The following DCP2 variants were observed in gnomAD, a reference collection of about 807,000 sequenced individuals.
DCP2 encodes m7GpppN-mRNA hydrolase.
Under a neutral mutation model 56.1 loss-of-function variants are expected in DCP2, and 30 were observed. That is an observed-to-expected ratio of 0.53 (90% confidence interval 0.40 to 0.73). DCP2 has a LOEUF of 0.73. Among genes scored for constraint, DCP2 ranks in the 30% least tolerant of loss-of-function variants. The probability of loss-of-function intolerance (pLI) is 0.00; values close to 1 mark genes in which losing one functional copy is unlikely to be tolerated. For missense variants in DCP2, 533 were observed against 502.7 expected, an observed-to-expected ratio of 1.06 and a Z score of -0.58; for synonymous variants, 197 against 163.3, an observed-to-expected ratio of 1.21 and a Z score of -1.57.
At chr5:112,985,384 C>T (rs1748231054) in intron 1 of DCP2, among the ~76,000 whole-genome samples, 1 of 152,030 alleles carries the variant, frequency 6.6e-6, no homozygotes, top group African/African-American at 2.4e-5. Flanking sequence ...TTTGGGAAGT[C>T]CTAGTATATT....
Position 113,001,078 on chromosome 5 carries a change from T to C in DCP2, c.433-6T>C, listed in dbSNP as rs918212455. 1.9e-6 allele frequency: 3 copies of C among 1,590,450 alleles called. No homozygotes were observed. The highest frequency in any genetic ancestry group is 1.4e-5 in the African/African-American group (1 of 73,762). On this transcript the variant is annotated splice_region_variant and splice_polypyrimidine_tract_variant and intron_variant, in intron 4 of 10. Transcript: ENST00000389063. ...TGAAAATTTCATCCAAATTTGTTGT[T>C]TCCAGGTCTTTGAAGAAACTGGTTT...
chr5:113,010,894 T>C, intron 10 of DCP2, 87 bp downstream of exon 10: 1 of 1,353,740 alleles, frequency 7.4e-7, no homozygotes, highest in Non-Finnish European at 1.0e-6. Flanking sequence ...GAGTATGTGA[T>C]CTGTGATAGT....
chr5:112,999,571 C>T lies in DCP2; in HGVS notation c.433-1513C>T, dbSNP rs558938487. ...TCTAACTCCTGACCTGGTGATTAGC[C>T]TGCCTTGGCCTCCCCTTAGTGCTGG... On this transcript the variant is annotated intron_variant, in intron 4 of 10. Coordinates refer to ENST00000389063, the MANE Select transcript of DCP2 (RefSeq NM_152624.6). Among the ~76,000 whole-genome samples the T allele has an allele frequency of 4.0e-5, 6 of 151,826 alleles. No individual in the cohort carries two copies. The South Asian group carries it at 1.2e-3, about 31-fold the overall frequency.
chr5:112,987,147 T>C (rs1002005073), intron 2 of DCP2, among the ~76,000 whole-genome samples: 3 of 152,170 alleles, frequency 2.0e-5, no homozygotes, highest in Non-Finnish European at 2.9e-5. Flanking sequence ...AGGCAAATAA[T>C]TGAGTAATTG....
At chr5:112,992,280 A>C in intron 3 of DCP2, 32 bp downstream of exon 3, 1 of 1,595,372 alleles carries the variant, frequency 6.3e-7, no homozygotes, top group Non-Finnish European at 8.5e-7. Context: ...TTTTTAGTGA[A>C]ATGGTGATCG....
chr5:112,986,491 T>A (rs1333084912), intron 2 of DCP2, among the ~76,000 whole-genome samples: 1 of 151,946 alleles, frequency 6.6e-6, no homozygotes, highest in Non-Finnish European at 1.5e-5. Context: ...TGCGCTACCA[T>A]TCCTGCTAAT....
chr5:113,010,735 G>GTTT, intron 9 of DCP2, 21 bp from the exon 10 acceptor site: 8 of 1,065,682 alleles, frequency 7.5e-6, no homozygotes, highest in Non-Finnish European at 5.8e-6. Flanking sequence ...GTGTGTGTGT[G>GTTT]TTTTTTTTTT....
intron 8 of DCP2, 111 bp downstream of exon 8, chr5:113,004,188 A>C: frequency 8.1e-7 from 1 of 1,237,340 alleles, no homozygotes; most frequent in Non-Finnish European, 1.1e-6. Flanking sequence ...TGAGTTACTG[A>C]TCAAAGCCTG....
At position 113,001,126 on chromosome 5, in the gene DCP2, A is replaced by C; in HGVS notation, c.475A>C (p.Lys159Gln). ...TTTTGATATCAAAGACTATATTTGTAAGGATGATTACATTGAACTTCGAAT... is the reference window on the plus strand; with the variant it reads ...TTTTGATATCAAAGACTATATTTGTCAGGATGATTACATTGAACTTCGAAT... ...TGFDIKDYIC[K>Q]DDYIELRIND... The change falls in exon 5 of 11, where the codon AAG (lysine) becomes CAG (glutamine). Residue 159 changes from lysine to glutamine, a missense_variant. Coordinates refer to ENST00000389063, the MANE Select transcript of DCP2 (RefSeq NM_152624.6). The C allele has an allele frequency of 6.2e-7, 1 of 1,613,254 alleles. No homozygotes were observed. Among genetic ancestry groups the C allele is most frequent in the Middle Eastern group, 1.7e-4 (1 of 5,978 alleles).
chr5:112,992,237 A>C lies in DCP2; in HGVS notation c.322A>C (p.Thr108Pro). 1.2e-6 allele frequency: 2 copies of C among 1,611,096 alleles called. No homozygotes were observed. ...PTYGAIILDE[T>P]LENVLLVQGY... ...ATATGGTGCAATTATTCTTGATGAG[A>C]CACTTGAAAATGTGAGTGTAATGAA... is the stretch of plus-strand genomic sequence containing the variant. Residue 108 changes from threonine to proline, a missense_variant, in exon 3 of 11, where the codon ACA becomes CCA. Physicochemically the swap from Thr to Pro is conservative, Grantham distance 38. Around this residue, in one of 3 missense-constraint regions of DCP2, gnomAD observed 137 missense variants for 138.2 expected, o/e 0.99. Transcript: ENST00000389063.
intron 4 of DCP2, among the ~76,000 whole-genome samples, chr5:113,000,411 CA>C (rs1429024567): frequency 6.6e-5 from 7 of 106,182 alleles, no homozygotes; most frequent in Middle Eastern, 4.4e-3. Flanking sequence ...CACACACACA[CA>C]CACACACACA....
At position 113,019,281 on chromosome 5, in the gene DCP2, GAT is replaced by G. The variant is rs1451409494; in HGVS notation, c.*5799_*5800del. The stretch of plus-strand genomic sequence containing the variant: ...CTCAACTGTGAATGAAATTTAGAAA[GAT>G]AATTCTTCAGCAGTTGGTTGATTAG... On this transcript the variant is annotated 3_prime_UTR_variant, in exon 11 of 11. Coordinates refer to ENST00000389063, the MANE Select transcript of DCP2 (RefSeq NM_152624.6). 5.9e-5 allele frequency: 9 copies of G among 152,218 alleles called. No individual in the cohort carries two copies. Among genetic ancestry groups the G allele is most frequent in the Non-Finnish European group, 7.3e-5 (5 of 68,040 alleles). 9.4% of individuals were successfully genotyped at this position (152,218 alleles called of 1,614,324 possible).
At chr5:113,002,480 T>G (rs941156192) in intron 7 of DCP2, among the ~76,000 whole-genome samples, 8 of 151,956 alleles carry the variant, frequency 5.3e-5, no homozygotes, top group Admixed American at 5.2e-4. Context: ...GACTACTACC[T>G]GGACATAAAC....
In DCP2 at chr5:113,019,489, C is replaced by T. The variant is rs569472605; in HGVS notation, c.*6005C>T. 3.9e-5 allele frequency: 6 copies of T among 152,220 alleles called. No individual in the cohort carries two copies. In the South Asian group the frequency reaches 6.2e-4, roughly 16 times the overall value. The allele number at this position is 152,220 out of a possible 1,614,324, so 9.4% of individuals were successfully genotyped here. A position where few individuals can be genotyped will look rare whatever the true frequency, so the allele number is the denominator to read the frequency against. ...CTTTTAGGTTTGTGTTAGGATGTTG[C>T]ACAAGTAATCATTTAATGTTAAATG... On this transcript the variant is annotated 3_prime_UTR_variant, in exon 11 of 11. Transcript: ENST00000389063.
chr5:112,999,232 T>G (rs973076579), intron 4 of DCP2, among the ~76,000 whole-genome samples: 2 of 152,252 alleles, frequency 1.3e-5, no homozygotes, highest in Non-Finnish European at 2.9e-5. Context: ...TATACTTATT[T>G]CTGATTTTTG....
intron 1 of DCP2, among the ~76,000 whole-genome samples, chr5:112,979,295 A>C (rs1424852413): frequency 6.6e-6 from 1 of 152,198 alleles, no homozygotes; most frequent in African/African-American, 2.4e-5. Context: ...AAAACTTCAG[A>C]TTTTAAAATA....
chr5:112,987,193 GA>G (rs893154424), intron 2 of DCP2, among the ~76,000 whole-genome samples: 10 of 151,564 alleles, frequency 6.6e-5, no homozygotes, highest in Admixed American at 2.0e-4. Flanking sequence ...CTAGAATTTG[GA>G]AAAAAAAGTG....
At chr5:112,977,844 C>G (rs1289837775) in intron 1 of DCP2, among the ~76,000 whole-genome samples, 2 of 151,884 alleles carry the variant, frequency 1.3e-5, no homozygotes, top group African/African-American at 4.8e-5. Context: ...AACACCTTTT[C>G]GTTCACAGTT....
chr5:113,013,710 T>C lies in DCP2; in HGVS notation c.*226T>C, dbSNP rs17135261. The C allele has an allele frequency of 8.3e-3, 3,636 of 440,372 alleles. 104 individuals carry two copies. The highest frequency in any genetic ancestry group is 0.064 in the African/African-American group (3,230 of 50,182). The allele number at this position is 440,372 out of a possible 1,614,324, so 27.3% of individuals were successfully genotyped here. ...ACCTTTTCAGTGTTCAGTACAAGTT[T>C]AAGTTGCTTTCTTTGAGGGCATTTA... On this transcript the variant is annotated 3_prime_UTR_variant, in exon 11 of 11. Coordinates refer to ENST00000389063, the MANE Select transcript of DCP2 (RefSeq NM_152624.6).
Sources: allele counts gnomAD v4.1 joint callset (sites outside exome capture counted in the v4.1 genomes callset), GRCh38; gene constraint gnomAD v4.1.1; regional missense constraint gnomAD v4.1.1; transcripts MANE v1.5; gene names NCBI Gene and HGNC (gene_info 2026-07-23, HGNC 2026-07-21).